The following ZNF804A variants were observed in gnomAD, a reference collection of about 807,000 sequenced individuals.
The protein encoded by ZNF804A is zinc finger protein 804A.
In ZNF804A, 2 loss-of-function variants were observed where a neutral mutation model predicts 16.5. The ratio of observed to expected loss-of-function variants is 0.12; its 90% CI spans 0.05 to 0.38. The LOEUF is 0.38. Ranked by LOEUF, ZNF804A falls within the 10% of genes least tolerant of loss-of-function variation. ZNF804A has a pLI of 0.99. For missense variants in ZNF804A, 1,473 were observed against 1,390.7 expected (o/e 1.06, Z -0.94); for synonymous variants, 534 against 489.6 (o/e 1.09, Z -1.20).
intron 1 of ZNF804A, among the ~76,000 whole-genome samples, chr2:184,697,235 C>T (rs935013190): frequency 6.6e-6 from 1 of 151,908 alleles, no homozygotes; most frequent in South Asian, 2.1e-4. Context: ...AATCATAGAA[C>T]TTGTGGGATT....
At chr2:184,704,739 C>T (rs912551872) in intron 1 of ZNF804A, among the ~76,000 whole-genome samples, 2 of 152,092 alleles carry the variant, frequency 1.3e-5, no homozygotes, top group African/African-American at 4.8e-5. Flanking sequence ...AGCTTATATG[C>T]TTTTATTTTC....
intron 1 of ZNF804A, among the ~76,000 whole-genome samples, chr2:184,844,776 C>G (rs560232959): frequency 6.6e-6 from 1 of 151,680 alleles, no homozygotes; most frequent in Non-Finnish European, 1.5e-5. Flanking sequence ...TGGGGAAGTC[C>G]GCAGCCATTG....
chr2:184,676,759 T>A (rs1393817753), intron 1 of ZNF804A, among the ~76,000 whole-genome samples: 1 of 151,802 alleles, frequency 6.6e-6, no homozygotes, highest in Non-Finnish European at 1.5e-5. Context: ...CTCTAGGAGA[T>A]CAATAGTATC....
At chr2:184,667,602 A>G (rs1480069356) in intron 1 of ZNF804A, among the ~76,000 whole-genome samples, 1 of 151,882 alleles carries the variant, frequency 6.6e-6, no homozygotes, top group African/African-American at 2.4e-5. Context: ...GCCTTTCACT[A>G]TTCATAAACA....
intron 1 of ZNF804A, among the ~76,000 whole-genome samples, chr2:184,739,130 A>G (rs1693676453): frequency 6.6e-6 from 1 of 152,184 alleles, no homozygotes; most frequent in African/African-American, 2.4e-5. Flanking sequence ...ATTATTTTGG[A>G]ATACAGTTGT....
At chr2:184,781,651 C>T (rs1005606463) in intron 1 of ZNF804A, among the ~76,000 whole-genome samples, 1 of 151,774 alleles carries the variant, frequency 6.6e-6, no homozygotes, top group Non-Finnish European at 1.5e-5. Flanking sequence ...CTGTTATTGA[C>T]TCCACTTGCC....
At chr2:184,856,503 A>T (rs192759846) in intron 1 of ZNF804A, among the ~76,000 whole-genome samples, 1 of 152,204 alleles carries the variant, frequency 6.6e-6, no homozygotes, top group East Asian at 1.9e-4. Context: ...CCCTGAACAC[A>T]TTATTTTTTC....
intron 2 of ZNF804A, among the ~76,000 whole-genome samples, chr2:184,867,907 G>A (rs1438828641): frequency 6.6e-6 from 1 of 151,990 alleles, no homozygotes; most frequent in East Asian, 1.9e-4. Context: ...GTGTAAAGTA[G>A]GTATTTGGAA....
intron 2 of ZNF804A, among the ~76,000 whole-genome samples, chr2:184,925,223 G>A (rs1685592117): frequency 6.6e-6 from 1 of 151,884 alleles, no homozygotes; most frequent in South Asian, 2.1e-4. Flanking sequence ...TCAGTGTTGG[G>A]TGCATATATA....
At chr2:184,885,486 AC>A (rs1684874916) in intron 2 of ZNF804A, among the ~76,000 whole-genome samples, 1 of 152,334 alleles carries the variant, frequency 6.6e-6, no homozygotes, top group East Asian at 1.9e-4. Flanking sequence ...GTACATTTAC[AC>A]CATGGAATCC....
intron 2 of ZNF804A, among the ~76,000 whole-genome samples, chr2:184,890,769 T>A (rs1387729993): frequency 1.3e-5 from 2 of 151,220 alleles, no homozygotes; most frequent in African/African-American, 4.8e-5. Flanking sequence ...TTTAAAAAAT[T>A]GATGTTTGAT....
chr2:184,868,821 C>T (rs1195040425), intron 2 of ZNF804A, among the ~76,000 whole-genome samples: 1 of 151,834 alleles, frequency 6.6e-6, no homozygotes, highest in Non-Finnish European at 1.5e-5. Context: ...AGCAAATGAG[C>T]AAATAAAACT....
chr2:184,799,664 C>G (rs1430795745), intron 1 of ZNF804A, among the ~76,000 whole-genome samples: 1 of 152,120 alleles, frequency 6.6e-6, no homozygotes, highest in Non-Finnish European at 1.5e-5. Context: ...GCTGGAACCA[C>G]AGGCACACAC....
chr2:184,885,645 T>C (rs968507231), intron 2 of ZNF804A, among the ~76,000 whole-genome samples: 3 of 152,156 alleles, frequency 2.0e-5, no homozygotes, highest in African/African-American at 7.2e-5. Flanking sequence ...TATAGTTCTG[T>C]ACGTTCTGAG....
chr2:184,862,142 G>T (rs547392487), intron 1 of ZNF804A, among the ~76,000 whole-genome samples: 1 of 152,056 alleles, frequency 6.6e-6, no homozygotes, highest in Non-Finnish European at 1.5e-5. Context: ...TATAAGAACG[G>T]CTGTGCTCCT....
intron 2 of ZNF804A, among the ~76,000 whole-genome samples, chr2:184,868,093 G>T (rs1169098805): frequency 6.6e-6 from 1 of 151,934 alleles, no homozygotes; most frequent in Non-Finnish European, 1.5e-5. Flanking sequence ...AGGGAATTTG[G>T]GTTGGATCTG....
At chr2:184,752,116 A>G (rs574338234) in intron 1 of ZNF804A, among the ~76,000 whole-genome samples, 8 of 151,810 alleles carry the variant, frequency 5.3e-5, no homozygotes, top group South Asian at 2.1e-4. Flanking sequence ...CAACCCAGCA[A>G]TTGGACTACT....
At position 184,930,746 on chromosome 2, in the gene ZNF804A, T is replaced by A. The variant is rs529677203; in HGVS notation, c.256-2857T>A. Among the ~76,000 whole-genome samples, 229 of 152,204 alleles carry A rather than the reference T, an allele frequency of 1.5e-3. 14 individuals carry two copies. The highest frequency in any genetic ancestry group is 9.7e-4 in the Non-Finnish European group (66 of 68,024). On this transcript the variant is annotated intron_variant, in intron 2 of 3. Coordinates refer to ENST00000302277, the MANE Select transcript of ZNF804A (RefSeq NM_194250.2). ...CAGTTACACAATAATTTAAAAATTT[T>A]TATGGAACAGAAATGTTATAAACCA...
In ZNF804A at chr2:184,723,191, T is replaced by C. The variant is rs190134498; in HGVS notation, c.111+124121T>C. On this transcript the variant is annotated intron_variant, in intron 1 of 3. Coordinates refer to ENST00000302277, the MANE Select transcript of ZNF804A (RefSeq NM_194250.2). ...TCCTTTTTCATTTAATAGAAACTTA[T>C]TCTAAAATATATGCTTAAAGCAATG... Among the ~76,000 whole-genome samples, 312 of 151,948 alleles carry C rather than the reference T, an allele frequency of 2.1e-3. 1 individual carries two copies. Among genetic ancestry groups the C allele is most frequent in the African/African-American group, 7.2e-3 (300 of 41,530 alleles).
Sources: gnomAD v4.1 joint callset for allele counts (sites outside exome capture counted in the v4.1 genomes callset) on GRCh38, gnomAD v4.1.1 for gene constraint, MANE v1.5 for transcripts, NCBI Gene and HGNC (gene_info 2026-07-23, HGNC 2026-07-21) for gene names.